TLN2: variants seen among roughly 807,000 people sequenced by gnomAD.
The protein encoded by TLN2 is talin 2.
A neutral mutation model predicts 294.7 loss-of-function variants in TLN2; 118 were observed. That is an observed-to-expected ratio of 0.40 (90% CI 0.34 to 0.47). The LOEUF is 0.47. TLN2 is among the 20% of genes least tolerant of loss of function. The pLI, the probability that TLN2 is intolerant of heterozygous loss-of-function variation, is 0.84. For synonymous variants in TLN2, 1,431 were observed against 1,304.5 expected, an observed-to-expected ratio of 1.10 and a Z score of -2.09; for missense variants, 3,083 against 3,282.2, an observed-to-expected ratio of 0.94 and a Z score of 1.48.
chr15:62,761,515 G>C (rs995575775), intron 37 of TLN2, among the ~76,000 whole-genome samples, 166 bp from the exon 38 acceptor site: 1 of 152,150 alleles, frequency 6.6e-6, no homozygotes, highest in African/African-American at 2.4e-5. Flanking sequence ...CCCTCTGCTT[G>C]ATGGCAGGGG....
chr15:62,679,953 TA>T (rs1193621888), intron 11 of TLN2, among the ~76,000 whole-genome samples: 1 of 152,220 alleles, frequency 6.6e-6, no homozygotes, highest in Non-Finnish European at 1.5e-5. Flanking sequence ...TCCATCGAGT[TA>T]CTTTTGCATC....
In TLN2 at chr15:62,618,365, G is replaced by A. The variant is rs975030843; in HGVS notation, c.-147G>A. The A allele has an allele frequency of 6.6e-6, 1 of 152,132 alleles. No individual in the cohort carries two copies. Among genetic ancestry groups the A allele is most frequent in the Non-Finnish European group, 1.5e-5 (1 of 68,038 alleles). The allele number at this position is 152,132 out of a possible 1,614,324, so 9.4% of individuals were successfully genotyped here. On this transcript the variant is annotated 5_prime_UTR_variant, in exon 3 of 59. Transcript: ENST00000636159. ...TTCCACGACAGAAAGTCTGCCTGGCGGAGGACACCTGCACTTGTTACCCTG... is the reference window on the plus strand; with the variant it reads ...TTCCACGACAGAAAGTCTGCCTGGCAGAGGACACCTGCACTTGTTACCCTG...
chr15:62,458,820 T>G (rs1019190229), intron 1 of TLN2, among the ~76,000 whole-genome samples: 15 of 151,946 alleles, frequency 9.9e-5, no homozygotes, highest in African/African-American at 3.6e-4. Context: ...AGTGCGACTC[T>G]CCTTGCATGT....
intron 1 of TLN2, among the ~76,000 whole-genome samples, chr15:62,578,609 C>T (rs898754051): frequency 6.6e-6 from 1 of 152,172 alleles, no homozygotes; most frequent in African/African-American, 2.4e-5. Context: ...TATTCCACTT[C>T]ATGAAAATGC....
At chr15:62,445,591 C>A (rs550596660) in intron 1 of TLN2, among the ~76,000 whole-genome samples, 1 of 151,922 alleles carries the variant, frequency 6.6e-6, no homozygotes, top group South Asian at 2.1e-4. Context: ...ATGTGATGTT[C>A]CAATAAAAAG....
chr15:62,419,777 C>T (rs746996785), intron 1 of TLN2, among the ~76,000 whole-genome samples: 6 of 152,080 alleles, frequency 3.9e-5, no homozygotes, highest in Non-Finnish European at 7.4e-5. Context: ...GCTGGGACTA[C>T]AGGTGCACCC....
At chr15:62,777,635 A>G (rs560761556) in intron 43 of TLN2, among the ~76,000 whole-genome samples, 1 of 151,256 alleles carries the variant, frequency 6.6e-6, no homozygotes, top group Non-Finnish European at 1.5e-5. Context: ...CCCCCAACCC[A>G]CTCAATTGGG....
chr15:62,726,761 G>A (rs1369188394), intron 27 of TLN2, among the ~76,000 whole-genome samples: 1 of 152,150 alleles, frequency 6.6e-6, no homozygotes, highest in Non-Finnish European at 1.5e-5. Context: ...CATTTGTTGA[G>A]AGCCTACATT....
At chr15:62,525,584 A>G (rs901608995) in intron 1 of TLN2, among the ~76,000 whole-genome samples, 2 of 152,210 alleles carry the variant, frequency 1.3e-5, no homozygotes, top group Non-Finnish European at 2.9e-5. Context: ...TTTCTTGGGT[A>G]TCAGAAATTG....
intron 2 of TLN2, among the ~76,000 whole-genome samples, chr15:62,608,255 A>G (rs550548174): frequency 6.6e-6 from 1 of 152,298 alleles, no homozygotes; most frequent in Admixed American, 6.5e-5. Flanking sequence ...AGGGTTTAAG[A>G]CAGAGAGTTA....
At chr15:62,417,138 A>G (rs1362563014) in intron 1 of TLN2, among the ~76,000 whole-genome samples, 1 of 152,096 alleles carries the variant, frequency 6.6e-6, no homozygotes, top group African/African-American at 2.4e-5. Flanking sequence ...CTCCTCCCCA[A>G]GGCATGAAGG....
chr15:62,752,256 G>C lies in TLN2; in HGVS notation c.4210-49G>C, dbSNP rs201372065. The C allele has an allele frequency of 4.5e-5, 72 of 1,605,382 alleles. No individual in the cohort carries two copies. The East Asian group carries it at 1.6e-3, about 36-fold the overall frequency. The stretch of plus-strand genomic sequence containing the variant: ...GGAGTGTAGCCTCCTTTACCCCTTG[G>C]TTTGAGGCAATGCTGGATAGAGAAT... On this transcript the variant is annotated intron_variant, in intron 34 of 58. Coordinates refer to ENST00000636159, the MANE Select transcript of TLN2 (RefSeq NM_015059.3).
intron 9 of TLN2, among the ~76,000 whole-genome samples, chr15:62,665,448 G>A (rs1450706869): frequency 6.6e-6 from 1 of 152,140 alleles, no homozygotes; most frequent in Non-Finnish European, 1.5e-5. Context: ...CATGGCAAAG[G>A]CAAAAGTAAT....
At chr15:62,599,842 G>T (rs1162251311) in intron 2 of TLN2, among the ~76,000 whole-genome samples, 3 of 152,084 alleles carry the variant, frequency 2.0e-5, no homozygotes, top group Admixed American at 6.6e-5. Context: ...GTCCCTGTTG[G>T]CCACTCTTGT....
intron 1 of TLN2, among the ~76,000 whole-genome samples, chr15:62,575,147 C>T (rs1223131779): frequency 1.3e-5 from 2 of 151,996 alleles, no homozygotes; most frequent in Non-Finnish European, 2.9e-5. Flanking sequence ...ACCTCATCTC[C>T]ACCAAAAATT....
chr15:62,392,473 G>T (rs2032181011), intron 1 of TLN2, among the ~76,000 whole-genome samples: 2 of 152,156 alleles, frequency 1.3e-5, no homozygotes, highest in South Asian at 4.2e-4. Flanking sequence ...GCATTGTAAG[G>T]TTGCACGCTG....
At chr15:62,557,688 C>T (rs1176770661) in intron 1 of TLN2, among the ~76,000 whole-genome samples, 5 of 152,118 alleles carry the variant, frequency 3.3e-5, no homozygotes, top group African/African-American at 9.7e-5. Flanking sequence ...ATTACAGGCA[C>T]CCGCCACCAC....
intron 1 of TLN2, among the ~76,000 whole-genome samples, chr15:62,480,521 G>A (rs1321808930): frequency 6.6e-6 from 1 of 152,132 alleles, no homozygotes; most frequent in African/African-American, 2.4e-5. Context: ...CACGGTGCCC[G>A]GCCTATATTT....
chr15:62,760,423 G>A (rs971150038), intron 37 of TLN2, among the ~76,000 whole-genome samples: 4 of 152,080 alleles, frequency 2.6e-5, no homozygotes, highest in Non-Finnish European at 4.4e-5. Context: ...GCTTGGTAAT[G>A]CCAGTGCCCC....
Sources: allele counts gnomAD v4.1 joint callset (sites outside exome capture counted in the v4.1 genomes callset), GRCh38; gene constraint gnomAD v4.1.1; transcripts MANE v1.5; gene names NCBI Gene and HGNC (gene_info 2026-07-23, HGNC 2026-07-21).